STPG2: variants seen among roughly 807,000 people sequenced by gnomAD.
STPG2 encodes the protein sperm tail PG-rich repeat containing 2, also known as sperm-tail PG-rich repeat-containing protein 2.
A neutral mutation model predicts 54.2 loss-of-function variants in STPG2; 56 were observed. The observed-to-expected ratio is 1.03, with a 90% confidence interval of 0.83 to 1.29. The LOEUF is 1.29. STPG2 is among the 50% of genes most tolerant of loss of function. The probability of loss-of-function intolerance (pLI) is 0.00; values close to 1 mark genes in which losing one functional copy is unlikely to be tolerated. For synonymous variants in STPG2, 200 were observed against 181.8 expected, an observed-to-expected ratio of 1.10 and a Z score of -0.81; for missense variants, 596 against 544.9, an observed-to-expected ratio of 1.09 and a Z score of -0.93.
At chr4:97,456,914 A>G (rs1260529903) in intron 4 of STPG2, among the ~76,000 whole-genome samples, 4 of 145,990 alleles carry the variant, frequency 2.7e-5, no homozygotes, top group Non-Finnish European at 3.0e-5. Context: ...AAGAAAATTA[A>G]AAAAAAAAAA....
rs1056500880 is a variant in STPG2, at chr4:97,644,374, T to C, written c.1320+68325A>G. On this transcript the variant is annotated intron_variant, in intron 10 of 10. Transcript: ENST00000295268. ...GAAAATAAGTCTTCTGTCTCTCCCATGTCACTGCTTTTGACAAATGAATTA... is the reference window on the plus strand; with the variant it reads ...GAAAATAAGTCTTCTGTCTCTCCCACGTCACTGCTTTTGACAAATGAATTA... Among the ~76,000 whole-genome samples the C allele has an allele frequency of 1.6e-4, 25 of 151,990 alleles. 1 individual carries two copies. The highest frequency in any genetic ancestry group is 2.4e-5 in the African/African-American group (1 of 41,440).
intron 4 of STPG2, 89 bp downstream of exon 4, chr4:98,109,104 C>T: frequency 4.1e-6 from 3 of 723,356 alleles, no homozygotes; most frequent in East Asian, 6.0e-5. Context: ...CTAATTTTTC[C>T]TTTCTTTACA....
At chr4:97,865,857 T>C (rs182691701) in intron 8 of STPG2, among the ~76,000 whole-genome samples, 2 of 151,532 alleles carry the variant, frequency 1.3e-5, no homozygotes, top group Non-Finnish European at 2.9e-5. Context: ...AATAAAAATA[T>C]ATATATATTT....
intron 5 of STPG2, among the ~76,000 whole-genome samples, chr4:98,088,594 T>C (rs1425710117): frequency 6.6e-6 from 1 of 151,074 alleles, no homozygotes; most frequent in African/African-American, 2.4e-5. Context: ...ATTTTGGCAG[T>C]ATTCCTAAAT....
chr4:97,597,194 T>C (rs768471294), intron 10 of STPG2, among the ~76,000 whole-genome samples: 129 of 152,072 alleles, frequency 8.5e-4, no homozygotes, highest in African/African-American at 3.1e-3. Context: ...TTCAACCTCC[T>C]GAGAATGCGC....
intron 9 of STPG2, among the ~76,000 whole-genome samples, chr4:97,794,211 A>C (rs921292447): frequency 1.3e-5 from 2 of 152,116 alleles, no homozygotes; most frequent in African/African-American, 4.8e-5. Flanking sequence ...TTTAAAATAT[A>C]TTTTCAATAT....
chr4:98,096,265 C>T (rs1738855482), intron 5 of STPG2, among the ~76,000 whole-genome samples: 1 of 152,002 alleles, frequency 6.6e-6, no homozygotes, highest in Non-Finnish European at 1.5e-5. Context: ...GGCATGGCAG[C>T]ATATACCTGT....
In STPG2 at chr4:97,540,351, A is replaced by G. The variant is rs868595847; in HGVS notation, c.462+172348T>C. On this transcript the variant is annotated intron_variant, in intron 4 of 4. Coordinates refer to the STPG2 transcript ENST00000522676. ...ATCAGAGAATACTATAAACACCTCT[A>G]TGCAAATAAACTAGAAAATGTAGAA... 2.6e-5 allele frequency among the ~76,000 whole-genome samples: 4 copies of G among 152,322 alleles called. No individual in the cohort carries two copies. The Middle Eastern group carries it at 0.01, about 389-fold the overall frequency.
intron 10 of STPG2, among the ~76,000 whole-genome samples, chr4:97,587,756 A>T (rs1318310092): frequency 1.3e-5 from 2 of 151,980 alleles, no homozygotes; most frequent in African/African-American, 4.8e-5. Context: ...TGGCCCCAAC[A>T]TGTTACAGAA....
chr4:97,825,683 C>T (rs1436226762), intron 9 of STPG2, among the ~76,000 whole-genome samples: 1 of 152,130 alleles, frequency 6.6e-6, no homozygotes, highest in Non-Finnish European at 1.5e-5. Context: ...AAAAATCTTA[C>T]AACTACTGAA....
rs180886131 is a variant in STPG2 at position 98,021,118 on chromosome 4, C to G, written c.613-39800G>C. On this transcript the variant is annotated intron_variant, in intron 5 of 10. Transcript: ENST00000295268. The stretch of plus-strand genomic sequence containing the variant: ...TCTTTTAATTATGATGTTAGGGTGT[C>G]AATTTTAGATCTTTCCTGCTTTCTC... Among the ~76,000 whole-genome samples the G allele has an allele frequency of 8.4e-4, 128 of 151,520 alleles. 1 individual carries two copies. Among genetic ancestry groups the G allele is most frequent in the Admixed American group, 8.4e-3 (127 of 15,200 alleles).
intron 4 of STPG2, among the ~76,000 whole-genome samples, chr4:97,496,672 C>T (rs1014117422): frequency 3.3e-5 from 5 of 151,682 alleles, no homozygotes; most frequent in Admixed American, 1.3e-4. Context: ...ACAGCTTAGC[C>T]CATTCTCTCA....
At chr4:98,069,513 A>G (rs929255275) in intron 5 of STPG2, among the ~76,000 whole-genome samples, 8 of 152,072 alleles carry the variant, frequency 5.3e-5, no homozygotes, top group Non-Finnish European at 1.0e-4. Context: ...ACAGATGCCT[A>G]AAGAGCAGTA....
chr4:97,504,272 T>C (rs1263177228), intron 4 of STPG2, among the ~76,000 whole-genome samples: 1 of 150,206 alleles, frequency 6.7e-6, no homozygotes, highest in Non-Finnish European at 1.5e-5. Context: ...AAATGTATCA[T>C]AGAATTTGGA....
chr4:97,989,437 T>C (rs961889085), intron 5 of STPG2, among the ~76,000 whole-genome samples: 9 of 152,142 alleles, frequency 5.9e-5, no homozygotes, highest in African/African-American at 1.7e-4. Context: ...ATATACACTA[T>C]GTTTTTTTCT....
At chr4:97,442,549 G>A (rs997926953) in intron 4 of STPG2, among the ~76,000 whole-genome samples, 2 of 152,074 alleles carry the variant, frequency 1.3e-5, no homozygotes, top group African/African-American at 2.4e-5. Context: ...GTAATAATAC[G>A]AGAGTGTAGA....
At chr4:97,865,948 T>A (rs1729756473) in intron 8 of STPG2, among the ~76,000 whole-genome samples, 1 of 151,856 alleles carries the variant, frequency 6.6e-6, no homozygotes, top group Non-Finnish European at 1.5e-5. Context: ...TGAAACAACA[T>A]GGATGGAACT....
chr4:97,613,529 CGTGT>C (rs1425267561), intron 10 of STPG2, among the ~76,000 whole-genome samples: 29 of 142,418 alleles, frequency 2.0e-4, no homozygotes, highest in East Asian at 6.3e-4. Flanking sequence ...TATGCACGTG[CGTGT>C]GTGTGTATTA....
At chr4:98,110,234 G>C (rs1739306931) in intron 3 of STPG2, among the ~76,000 whole-genome samples, 1 of 152,078 alleles carries the variant, frequency 6.6e-6, no homozygotes, top group African/African-American at 2.4e-5. Flanking sequence ...GTTGTTAACA[G>C]TCTAAAATAA....
Sources: gnomAD v4.1 joint callset for allele counts (sites outside exome capture counted in the v4.1 genomes callset) on GRCh38, gnomAD v4.1.1 for gene constraint, MANE v1.5 for transcripts, NCBI Gene and HGNC (gene_info 2026-07-23, HGNC 2026-07-21) for gene names.